REPS2: variants seen among roughly 807,000 people sequenced by gnomAD.
The protein encoded by REPS2 is RALBP1 associated Eps domain containing 2, also known as ralBP1-associated Eps domain-containing protein 2.
In REPS2, 23 loss-of-function variants were observed where a neutral mutation model predicts 53.6. That is an observed-to-expected ratio of 0.43 (90% CI 0.31 to 0.61). The LOEUF is 0.61. REPS2 is among the 20% of genes least tolerant of loss of function. The pLI is 0.11. For synonymous variants in REPS2, 238 were observed against 218.6 expected, an observed-to-expected ratio of 1.09 and a Z score of -0.78; for missense variants, 446 against 534.9, an observed-to-expected ratio of 0.83 and a Z score of 1.64.
intron 14 of REPS2, among the ~76,000 whole-genome samples, chrX:17,130,480 C>T (rs1482738993): frequency 8.9e-6 from 1 of 111,774 alleles, no homozygotes. Context: ...CAGGCCTCAG[C>T]TGAGACATCA....
At chrX:16,976,655 T>C (rs776666116) in intron 1 of REPS2, among the ~76,000 whole-genome samples, 1 of 111,703 alleles carries the variant, frequency 9.0e-6, no homozygotes, top group Non-Finnish European at 1.9e-5. Context: ...AGGGGGGTCC[T>C]TATTTTTAGT....
Position 17,053,513 on chromosome X carries a change from T to C in REPS2, c.971+1068T>C, listed in dbSNP as rs144274856. 7.9e-3 allele frequency among the ~76,000 whole-genome samples: 877 copies of C among 110,959 alleles called. 11 individuals carry two copies. The highest frequency in any genetic ancestry group is 0.028 in the African/African-American group (848 of 30,480). On this transcript the variant is annotated intron_variant, in intron 7 of 17. Transcript: ENST00000357277. Reference sequence around the variant, plus strand: ...CTACCTCAGCCTCCCAGCTAGCTTTTCATTTTTTTCTAGAGACAGGGTCTT... The same window carrying C: ...CTACCTCAGCCTCCCAGCTAGCTTTCCATTTTTTTCTAGAGACAGGGTCTT...
the REPS2 span, among the ~76,000 whole-genome samples, chrX:17,167,881 T>A: frequency 9.0e-6 from 1 of 110,804 alleles, no homozygotes; most frequent in African/African-American, 3.3e-5. Flanking sequence ...CATTTATGAA[T>A]GTCTGCAATT....
chrX:16,964,960 GT>G (rs2060723160), intron 1 of REPS2, among the ~76,000 whole-genome samples: 5 of 80,383 alleles, frequency 6.2e-5, no homozygotes, highest in Non-Finnish European at 9.7e-5. Flanking sequence ...GCCGGGCAGA[GT>G]GGCTCCTCAC....
intron 2 of REPS2, among the ~76,000 whole-genome samples, chrX:17,012,717 A>G (rs2061444735): frequency 9.0e-6 from 1 of 111,488 alleles, no homozygotes; most frequent in Non-Finnish European, 1.9e-5. Flanking sequence ...GAATTAGGAC[A>G]AAAGGATGAG....
intron 1 of REPS2, among the ~76,000 whole-genome samples, chrX:16,960,357 C>T (rs73189105): frequency 0.027 from 2,138 of 79,073 alleles, 25 homozygotes; most frequent in Non-Finnish European, 0.038. Context: ...TACAGCAAGA[C>T]CCTGTCTTCA....
chrX:17,149,566 G>C lies in REPS2; in HGVS notation c.*2085G>C, dbSNP rs1294401711. On this transcript the variant is annotated 3_prime_UTR_variant, in exon 18 of 18. Coordinates refer to ENST00000357277, the MANE Select transcript of REPS2 (RefSeq NM_004726.3). ...AGTGATCCACCCGCCTTGGCCTCTC[G>C]AAGTGCTGGGATTACAGGCGTGAGC... 1 of 113,051 alleles carries C rather than the reference G, an allele frequency of 8.8e-6. No individual in the cohort carries two copies. Among genetic ancestry groups the C allele is most frequent in the African/African-American group, 3.2e-5 (1 of 30,946 alleles). 9.3% of individuals were successfully genotyped at this position (113,051 alleles called of 1,213,427 possible). A position where few individuals can be genotyped will look rare whatever the true frequency, so the allele number is the denominator to read the frequency against.
the REPS2 span, among the ~76,000 whole-genome samples, chrX:17,165,840 G>A: frequency 9.0e-6 from 1 of 111,071 alleles, no homozygotes; most frequent in Non-Finnish European, 1.9e-5. Context: ...TCCTTACTCT[G>A]CAAGAGAAAT....
chrX:16,954,747 A>G (rs777294415), intron 1 of REPS2, among the ~76,000 whole-genome samples: 2 of 110,063 alleles, frequency 1.8e-5, no homozygotes, highest in African/African-American at 6.6e-5. Flanking sequence ...TCCTATTTTA[A>G]GGGTGTAGAC....
chrX:17,086,120 C>T (rs1006715171), intron 13 of REPS2, among the ~76,000 whole-genome samples: 7 of 111,451 alleles, frequency 6.3e-5, no homozygotes, highest in Admixed American at 1.9e-4. Flanking sequence ...AAGTCATCTA[C>T]CTTGTAGACT....
chrX:17,063,456 C>T (rs1602882269), intron 9 of REPS2, among the ~76,000 whole-genome samples: 1 of 111,540 alleles, frequency 9.0e-6, no homozygotes, highest in South Asian at 3.8e-4. Flanking sequence ...TTATGGATGG[C>T]ACCGTCTGCT....
chrX:16,957,429 T>C (rs1276067464), intron 1 of REPS2, among the ~76,000 whole-genome samples: 1 of 109,630 alleles, frequency 9.1e-6, no homozygotes, highest in Non-Finnish European at 1.9e-5. Flanking sequence ...AAAAAAGTTG[T>C]TTCTTAAGTG....
At chrX:17,006,366 G>A in intron 2 of REPS2, 22 bp downstream of exon 2, 1 of 1,194,565 alleles carries the variant, frequency 8.4e-7, no homozygotes, top group Non-Finnish European at 1.1e-6. Context: ...ACATTTGTAT[G>A]TTTTATTGTC....
At chrX:16,983,920 A>T (rs2061055571) in intron 1 of REPS2, among the ~76,000 whole-genome samples, 1 of 112,563 alleles carries the variant, frequency 8.9e-6, no homozygotes, top group South Asian at 3.7e-4. Context: ...TGCCTCCAGA[A>T]CCCTCTTCTT....
At chrX:17,062,398 A>G (rs749711323) in intron 8 of REPS2, 40 bp from the exon 9 acceptor site, 4 of 980,629 alleles carry the variant, frequency 4.1e-6, no homozygotes, top group Non-Finnish European at 5.7e-6. Flanking sequence ...TACTATGGCT[A>G]TAGGAAATAT....
chrX:17,119,868 C>CTTTTTT (rs35141257), intron 14 of REPS2, among the ~76,000 whole-genome samples: 1 of 40,509 alleles, frequency 2.5e-5, no homozygotes, highest in Non-Finnish European at 3.9e-5. Context: ...CGCACTGTGA[C>CTTTTTT]TTTTTTTTTT....
the REPS2 span, among the ~76,000 whole-genome samples, chrX:17,164,348 T>C: frequency 9.0e-6 from 1 of 111,730 alleles, no homozygotes; most frequent in Non-Finnish European, 1.9e-5. Flanking sequence ...CTACAAGAGA[T>C]ATACTTTAGA....
chrX:17,158,516 C>T, the REPS2 span, among the ~76,000 whole-genome samples: 2 of 111,549 alleles, frequency 1.8e-5, no homozygotes. Context: ...TAGAAGAATG[C>T]ATAGGATAAT....
chrX:17,001,964 CCCA>C, intron 1 of REPS2, among the ~76,000 whole-genome samples: 1 of 112,068 alleles, frequency 8.9e-6, no homozygotes, highest in Non-Finnish European at 1.9e-5. Flanking sequence ...TCAAGTCCCT[CCCA>C]CACACGTGGG....
Sources: gnomAD v4.1 joint callset for allele counts (sites outside exome capture counted in the v4.1 genomes callset) on GRCh38, gnomAD v4.1.1 for gene constraint, MANE v1.5 for transcripts, NCBI Gene and HGNC (gene_info 2026-07-23, HGNC 2026-07-21) for gene names.